BSCL2: variants seen among roughly 807,000 people sequenced by gnomAD.
BSCL2 encodes seipin.
BSCL2 carries 41 observed loss-of-function variants against 57.4 expected under a neutral mutation model. The observed-to-expected ratio is 0.71, with a 90% CI of 0.56 to 0.93. The LOEUF (loss-of-function observed/expected upper bound fraction) is 0.93, where lower values mean the gene tolerates loss of function less well. BSCL2 is among the 40% of genes least tolerant of loss of function. BSCL2 has a pLI of 0.00. For synonymous variants in BSCL2, 237 were observed against 227.3 expected, an observed-to-expected ratio of 1.04 and a Z score of -0.38; for missense variants, 539 against 586.7, an observed-to-expected ratio of 0.92 and a Z score of 0.84.
At chr11:62,708,547 C>T (rs548858070), upstream of BSCL2, 156 of 1,384,678 alleles carry the variant, frequency 1.1e-4, no homozygotes, top group East Asian at 3.5e-3. Flanking sequence ...CCCCAGGCCT[C>T]TGGGGGGGAT....
upstream of BSCL2, chr11:62,708,290 T>C (rs1262252075): frequency 1.3e-6 from 2 of 1,598,214 alleles, no homozygotes; most frequent in African/African-American, 2.7e-5. Flanking sequence ...CCCTCTTTTT[T>C]CCAGGATGAA....
At chr11:62,706,424 C>T (rs1435499258) in intron 1 of BSCL2, 5 of 549,500 alleles carry the variant, frequency 9.1e-6, no homozygotes, top group South Asian at 7.6e-5. Flanking sequence ...CCTTCCCGAG[C>T]TGCGAGGTCG....
chr11:62,702,687 G>A (rs1340584126), intron 2 of BSCL2, 138 bp from the exon 3 acceptor site: 1 of 697,010 alleles, frequency 1.4e-6, no homozygotes, highest in Non-Finnish European at 2.6e-6. Flanking sequence ...TACAAAGATG[G>A]AGAACAAATG....
upstream of BSCL2, chr11:62,709,113 G>A: frequency 4.2e-6 from 2 of 479,784 alleles, no homozygotes; most frequent in Non-Finnish European, 4.1e-6. Context: ...AGACAATGGA[G>A]AGGGATGGGC....
intron 1 of BSCL2, chr11:62,706,391 G>A: frequency 1.2e-6 from 1 of 840,802 alleles, no homozygotes; most frequent in Non-Finnish European, 1.6e-6. Flanking sequence ...CAGCACGGCG[G>A]GGCGGGGCGG....
At chr11:62,693,064 A>G (rs1945353938) in intron 4 of BSCL2, among the ~76,000 whole-genome samples, 1 of 152,106 alleles carries the variant, frequency 6.6e-6, no homozygotes, top group Admixed American at 6.6e-5. Context: ...ACTGTCTCTG[A>G]TCTGCCTTTC....
chr11:62,698,306 C>T (rs1945535701), intron 3 of BSCL2, among the ~76,000 whole-genome samples: 1 of 152,090 alleles, frequency 6.6e-6, no homozygotes, highest in Non-Finnish European at 1.5e-5. Context: ...TCAAGCGATT[C>T]TCCTGTCTCA....
rs146510014 is a variant in BSCL2 at position 62,696,846 on chromosome 11, C to A, written c.487-2135G>T. 4.4e-3 allele frequency among the ~76,000 whole-genome samples: 666 copies of A among 152,148 alleles called. 3 individuals are homozygous for A. The highest frequency in any genetic ancestry group is 6.5e-3 in the Non-Finnish European group (444 of 68,006). Reference sequence around the variant, plus strand: ...CTGGGATTATAGGTGTGAGCCACTGCCCTTGGCCCAAATTCTTTGAAACAT... The same window carrying A: ...CTGGGATTATAGGTGTGAGCCACTGACCTTGGCCCAAATTCTTTGAAACAT... On this transcript the variant is annotated intron_variant, in intron 3 of 10. Transcript: ENST00000360796.
At chr11:62,706,547 G>A (rs2083541989) in intron 1 of BSCL2, 7 of 460,710 alleles carry the variant, frequency 1.5e-5, no homozygotes, top group South Asian at 9.3e-5. Context: ...TGCCCCAGGG[G>A]ATGCGCTGAC....
In BSCL2 at chr11:62,692,807, G is replaced by A. The variant is rs1476658275; in HGVS notation, c.631-10C>T. The A allele has an allele frequency of 6.2e-7, 1 of 1,612,756 alleles. No individual in the cohort carries two copies. The highest frequency in any genetic ancestry group is 1.3e-5 in the African/African-American group (1 of 75,006). On this transcript the variant is annotated splice_polypyrimidine_tract_variant and intron_variant, in intron 4 of 10. Coordinates refer to ENST00000360796, the MANE Select transcript of BSCL2 (RefSeq NM_001122955.4). Reference sequence around the variant, plus strand: ...GGTAATGCAGCATCACCTGCCGGGGGTGGGAAGCAGAGGCTGGGGACAGGT... The same window carrying A: ...GGTAATGCAGCATCACCTGCCGGGGATGGGAAGCAGAGGCTGGGGACAGGT...
chr11:62,705,627 G>C lies in BSCL2; in HGVS notation c.88-10C>G. The C allele has an allele frequency of 6.7e-7, 1 of 1,502,802 alleles. No individual in the cohort carries two copies. Among genetic ancestry groups the C allele is most frequent in the Middle Eastern group, 1.8e-4 (1 of 5,486 alleles). The allele number at this position is 1,502,802 out of a possible 1,614,324, so 93.1% of individuals were successfully genotyped here. A position where few individuals can be genotyped will look rare whatever the true frequency, so the allele number is the denominator to read the frequency against. On this transcript the variant is annotated splice_polypyrimidine_tract_variant and intron_variant, in intron 1 of 10. Coordinates refer to ENST00000360796, the MANE Select transcript of BSCL2 (RefSeq NM_001122955.4). Reference sequence around the variant, plus strand: ...CAGCAGCTGGTGGTTCCTGGAAAGAGAGGGTGAGGGAAAAGAGTGACTCCT... The same window carrying C: ...CAGCAGCTGGTGGTTCCTGGAAAGACAGGGTGAGGGAAAAGAGTGACTCCT...
rs1157359451 is a variant in BSCL2, at chr11:62,707,273, G to A, written c.-78C>T. On this transcript the variant is annotated 5_prime_UTR_variant, in exon 1 of 11. Coordinates refer to ENST00000360796, the MANE Select transcript of BSCL2 (RefSeq NM_001122955.4). The stretch of plus-strand genomic sequence containing the variant: ...TAAAACGTGAAGTGGCGATCCAGAC[G>A]CTGATACCTGTGGCGCATCACATTT... 2 of 1,220,420 alleles carry A rather than the reference G, an allele frequency of 1.6e-6. No homozygotes were observed. Among genetic ancestry groups the A allele is most frequent in the Non-Finnish European group, 1.2e-6 (1 of 845,276 alleles). The allele number at this position is 1,220,420 out of a possible 1,614,324, so 75.6% of individuals were successfully genotyped here. A position where few individuals can be genotyped will look rare whatever the true frequency, so the allele number is the denominator to read the frequency against.
intron 3 of BSCL2, among the ~76,000 whole-genome samples, chr11:62,696,702 C>G (rs1945477026): frequency 6.6e-6 from 1 of 152,060 alleles, no homozygotes; most frequent in Admixed American, 6.6e-5. Flanking sequence ...GAACTACAGG[C>G]ATGTGCCACC....
chr11:62,702,223 C>T (rs576762131), intron 3 of BSCL2, among the ~76,000 whole-genome samples: 17 of 152,140 alleles, frequency 1.1e-4, no homozygotes, highest in African/African-American at 3.1e-4. Context: ...TGCACCACCA[C>T]GCCCAGCTAA....
At position 62,707,155 on chromosome 11, in the gene BSCL2, T is replaced by A. The variant is rs1430149870; in HGVS notation, c.41A>T (p.Glu14Val). ...EKVDQKEEAG[E>V]KEVCGDQIKG... is the part of the protein sequence containing the mutation. Reference sequence around the variant, plus strand: ...GATCTGGTCTCCGCACACCTCTTTTTCCCCAGCTTCCTCCTTTTGGTCTAC... The same window carrying A: ...GATCTGGTCTCCGCACACCTCTTTTACCCCAGCTTCCTCCTTTTGGTCTAC... Residue 14 changes from glutamate to valine, a missense_variant, in exon 1 of 11, where the codon GAA (glutamate) becomes GTA (valine). Coordinates refer to ENST00000360796, the MANE Select transcript of BSCL2 (RefSeq NM_001122955.4). 6.4e-7 allele frequency: 1 copy of A among 1,554,430 alleles called. No individual in the cohort carries two copies. Among genetic ancestry groups the A allele is most frequent in the Non-Finnish European group, 8.7e-7 (1 of 1,147,858 alleles).
rs757487761 is a variant in BSCL2 at position 62,705,501 on chromosome 11, G to A, written c.204C>T (p.Asp68=). Residue 68 remains aspartate, a synonymous_variant, in exon 2 of 11, where the codon GAC becomes GAT. Coordinates refer to ENST00000360796, the MANE Select transcript of BSCL2 (RefSeq NM_001122955.4). ...RHPALPAMVN[D]PPVPALLWAQ... is the part of the protein sequence containing the mutation. ...CCCACAGTAAGGCAGGTACTGGAGG[G>A]TCGTTGACCATGGCCGGGAGAGCAG... 6.8e-6 allele frequency: 11 copies of A among 1,614,116 alleles called. No individual in the cohort carries two copies. Among genetic ancestry groups the A allele is most frequent in the Non-Finnish European group, 1.7e-6 (2 of 1,179,974 alleles).
At chr11:62,695,671 A>C (rs964572831) in intron 3 of BSCL2, among the ~76,000 whole-genome samples, 1 of 141,628 alleles carries the variant, frequency 7.1e-6, no homozygotes, top group African/African-American at 2.6e-5. Flanking sequence ...AGAGCGCGCC[A>C]TTGCACTGCA....
rs1386221784 is a variant in BSCL2 at position 62,705,586 on chromosome 11, C to A, written c.119G>T (p.Gly40Val). Residue 40 changes from glycine to valine, a missense_variant, in exon 2 of 11, where the codon GGG becomes GTG. Physicochemically the swap from Gly to Val is moderately radical, Grantham distance 109. This residue lies in a region of BSCL2 where 218 missense variants were observed against 224.8 expected (regional missense o/e 0.97). Coordinates refer to ENST00000360796, the MANE Select transcript of BSCL2 (RefSeq NM_001122955.4). ...EPPAAASHGQ[G>V]WRPGGRAARN... ...AGCTGCTCTGCCACCTGGACGCCAC[C>A]CCTGGCCATGGGATGCAGCAGCTGG... is the stretch of plus-strand genomic sequence containing the variant. 10 of 1,565,836 alleles carry A rather than the reference C, an allele frequency of 6.4e-6. No individual in the cohort carries two copies. Among genetic ancestry groups the A allele is most frequent in the Non-Finnish European group, 6.1e-6 (7 of 1,152,158 alleles).
chr11:62,708,559 A>G, upstream of BSCL2: 1 of 1,426,850 alleles, frequency 7.0e-7, no homozygotes, highest in South Asian at 1.2e-5. Flanking sequence ...GGGGGGGATG[A>G]GGGAGAAGAC....
Sources: allele counts gnomAD v4.1 joint callset (sites outside exome capture counted in the v4.1 genomes callset), GRCh38; gene constraint gnomAD v4.1.1; regional missense constraint gnomAD v4.1.1; transcripts MANE v1.5; gene names NCBI Gene and HGNC (gene_info 2026-07-23, HGNC 2026-07-21).